FILIP1: variants seen among roughly 807,000 people sequenced by gnomAD.
FILIP1 encodes the protein filamin-A-interacting protein 1.
FILIP1 carries 61 observed loss-of-function variants against 102.1 expected under a neutral mutation model. That is an observed-to-expected ratio of 0.60 (90% confidence interval 0.49 to 0.74). The LOEUF (loss-of-function observed/expected upper bound fraction) is 0.74, where lower values mean the gene tolerates loss of function less well. Ranked by LOEUF, FILIP1 falls within the 30% of genes least tolerant of loss-of-function variation. The probability of loss-of-function intolerance (pLI) is 0.00; values close to 1 mark genes in which losing one functional copy is unlikely to be tolerated. For synonymous variants in FILIP1, 491 were observed against 526.9 expected (o/e 0.93, Z 0.93); for missense variants, 1,314 against 1,441.2 (o/e 0.91, Z 1.43).
intron 4 of FILIP1, chr6:75,319,529 C>T (rs1202147717): frequency 7.1e-6 from 4 of 567,086 alleles, no homozygotes; most frequent in Non-Finnish European, 1.4e-5. Context: ...CCTCTCTGAG[C>T]ACTTCTTAGA....
At chr6:75,307,541 A>T (rs1773025962), downstream of FILIP1, among the ~76,000 whole-genome samples, 1 of 152,178 alleles carries the variant, frequency 6.6e-6, no homozygotes, top group Non-Finnish European at 1.5e-5. Context: ...ACTAGCCTTG[A>T]ACTCGTTTGT....
At position 75,308,899 on chromosome 6, in the gene FILIP1, T is replaced by C. The variant is rs770919391; in HGVS notation, c.3436-2A>G. Reference sequence around the variant, plus strand: ...CTGGGATGACCCGTCTTGTCCTGACTGTAAGAGAGAAAATACGTAGATACA... The same window carrying C: ...CTGGGATGACCCGTCTTGTCCTGACCGTAAGAGAGAAAATACGTAGATACA... On this transcript the variant is annotated splice_acceptor_variant, in intron 5 of 5. Transcript: ENST00000237172. LOFTEE classifies it high-confidence loss of function. 6 of 1,613,800 alleles carry C rather than the reference T, an allele frequency of 3.7e-6. No individual in the cohort carries two copies. The highest frequency in any genetic ancestry group is 1.1e-5 in the South Asian group (1 of 91,066).
chr6:75,383,207 T>C (rs1775959720), intron 2 of FILIP1, among the ~76,000 whole-genome samples: 1 of 152,180 alleles, frequency 6.6e-6, no homozygotes, highest in African/African-American at 2.4e-5. Flanking sequence ...TGATCTTCAC[T>C]AGGTGAGTAA....
intron 4 of FILIP1, among the ~76,000 whole-genome samples, chr6:75,317,622 C>T (rs13198358): frequency 1.3e-5 from 2 of 152,166 alleles, no homozygotes; most frequent in African/African-American, 4.8e-5. Flanking sequence ...ATTCCATGAG[C>T]TAGAGCGTGA....
chr6:75,436,629 C>T (rs1015454170), intron 1 of FILIP1, among the ~76,000 whole-genome samples: 1 of 152,114 alleles, frequency 6.6e-6, no homozygotes, highest in African/African-American at 2.4e-5. Flanking sequence ...AGATAAAGCC[C>T]TGTCCCAAAG....
intron 1 of FILIP1, among the ~76,000 whole-genome samples, chr6:75,444,472 T>A (rs1423110409): frequency 6.6e-6 from 1 of 152,216 alleles, no homozygotes; most frequent in Non-Finnish European, 1.5e-5. Flanking sequence ...TATAAATTTT[T>A]TTTTCTACAA....
intron 1 of FILIP1, among the ~76,000 whole-genome samples, chr6:75,472,371 A>T (rs1779357189): frequency 6.6e-6 from 1 of 152,156 alleles, no homozygotes; most frequent in Non-Finnish European, 1.5e-5. Flanking sequence ...TAATTATAAC[A>T]TTTGAATGTT....
At chr6:75,453,569 G>A (rs1172522120) in intron 1 of FILIP1, among the ~76,000 whole-genome samples, 4 of 152,170 alleles carry the variant, frequency 2.6e-5, no homozygotes, top group Non-Finnish European at 4.4e-5. Context: ...CCAGCACTTT[G>A]GGAGGCTGAG....
At chr6:75,400,363 CT>C (rs1776612821) in intron 2 of FILIP1, among the ~76,000 whole-genome samples, 2 of 152,172 alleles carry the variant, frequency 1.3e-5, no homozygotes, top group Admixed American at 6.6e-5. Context: ...TTTATAGACA[CT>C]GTCTATTCTC....
chr6:75,399,447 T>C (rs916311255), intron 2 of FILIP1: 3 of 152,252 alleles, frequency 2.0e-5, no homozygotes, highest in Non-Finnish European at 2.9e-5. Flanking sequence ...CACATTATTT[T>C]ACTACCATAC....
Position 75,308,396 on chromosome 6 carries a change from G to A in FILIP1, c.*295C>T. 9.6e-6 allele frequency: 11 copies of A among 1,140,348 alleles called. No individual in the cohort carries two copies. Among genetic ancestry groups the A allele is most frequent in the Non-Finnish European group, 1.2e-5 (11 of 908,230 alleles). The allele number at this position is 1,140,348 out of a possible 1,614,324, so 70.6% of individuals were successfully genotyped here. A position where few individuals can be genotyped will look rare whatever the true frequency, so the allele number is the denominator to read the frequency against. On this transcript the variant is annotated 3_prime_UTR_variant, in exon 6 of 6. Coordinates refer to ENST00000237172, the MANE Select transcript of FILIP1 (RefSeq NM_015687.5). ...TGTGATTGAGTCCCCACATCTAACTGATGAGGAAACAGGCTCAGATGGGTC... is the reference window on the plus strand; with the variant it reads ...TGTGATTGAGTCCCCACATCTAACTAATGAGGAAACAGGCTCAGATGGGTC...
intron 4 of FILIP1, 118 bp downstream of exon 4, chr6:75,353,421 T>C: frequency 9.6e-7 from 1 of 1,039,018 alleles, no homozygotes; most frequent in South Asian, 1.6e-5. Context: ...AAATTGACAT[T>C]AGACCCTGGG....
At chr6:75,463,382 G>C (rs138338365) in intron 1 of FILIP1, among the ~76,000 whole-genome samples, 23 of 152,200 alleles carry the variant, frequency 1.5e-4, no homozygotes, top group Non-Finnish European at 2.2e-4. Context: ...GTGTTTGTGT[G>C]TAGTGGCGGT....
At chr6:75,304,248 T>C (rs1772920070), downstream of FILIP1, among the ~76,000 whole-genome samples, 1 of 152,204 alleles carries the variant, frequency 6.6e-6, no homozygotes, top group Admixed American at 6.5e-5. Context: ...AGGGTCTTAC[T>C]TTGTCACCCA....
At chr6:75,427,090 T>C (rs1209344696) in intron 1 of FILIP1, among the ~76,000 whole-genome samples, 7 of 152,220 alleles carry the variant, frequency 4.6e-5, no homozygotes, top group Admixed American at 3.3e-4. Flanking sequence ...GAGGAGAGCT[T>C]GGGAGAAGGC....
chr6:75,350,508 G>A (rs971140010), intron 4 of FILIP1, among the ~76,000 whole-genome samples: 4 of 151,490 alleles, frequency 2.6e-5, no homozygotes, highest in Admixed American at 1.3e-4. Context: ...TGAGAGAGGG[G>A]ATTAAAATTG....
At chr6:75,319,484 A>G (rs962143262) in intron 4 of FILIP1, 9 of 597,754 alleles carry the variant, frequency 1.5e-5, no homozygotes, top group African/African-American at 3.7e-5. Context: ...CATATCTTCA[A>G]ATTTTCCTTT....
chr6:75,421,691 T>A (rs1255745434), intron 1 of FILIP1, among the ~76,000 whole-genome samples: 1 of 152,208 alleles, frequency 6.6e-6, no homozygotes, highest in East Asian at 1.9e-4. Context: ...TAGGGCTTAG[T>A]AATACTGTCT....
At chr6:75,454,003 C>A (rs573674059) in intron 1 of FILIP1, 28 of 456,670 alleles carry the variant, frequency 6.1e-5, no homozygotes, top group African/African-American at 5.2e-4. Flanking sequence ...AGGCTTAAAA[C>A]AACATCCATT....
Sources: gnomAD v4.1 joint callset for allele counts (sites outside exome capture counted in the v4.1 genomes callset) on GRCh38, gnomAD v4.1.1 for gene constraint, MANE v1.5 for transcripts, NCBI Gene and HGNC (gene_info 2026-07-23, HGNC 2026-07-21) for gene names.